ETV7: variants seen among roughly 807,000 people sequenced by gnomAD.
ETV7 encodes the protein ETS variant transcription factor 7, also known as transcription factor ETV7.
Under a neutral mutation model 39.1 loss-of-function variants are expected in ETV7, and 43 were observed. The ratio of observed to expected loss-of-function variants is 1.10; its 90% confidence interval spans 0.86 to 1.42. The LOEUF (loss-of-function observed/expected upper bound fraction) is 1.42. Ranked by LOEUF, ETV7 falls within the 40% of genes most tolerant of loss-of-function variation. The probability of loss-of-function intolerance (pLI) is 0.00; values close to 1 mark genes in which losing one functional copy is unlikely to be tolerated. For synonymous variants in ETV7, 196 were observed against 176.6 expected (o/e 1.11, Z -0.87); for missense variants, 432 against 442.3 (o/e 0.98, Z 0.21).
At chr6:36,363,297 G>T (rs902963340), downstream of ETV7, among the ~76,000 whole-genome samples, 1 of 151,348 alleles carries the variant, frequency 6.6e-6, no homozygotes, top group East Asian at 1.9e-4. Flanking sequence ...TCGTGGTCTC[G>T]CTGGCTCAGG....
downstream of ETV7, among the ~76,000 whole-genome samples, chr6:36,363,043 G>C (rs1339909603): frequency 6.6e-6 from 1 of 152,208 alleles, no homozygotes; most frequent in Non-Finnish European, 1.5e-5. Context: ...TCTGGCGGCA[G>C]TTCCCTTCTC....
At chr6:36,370,692 A>G (rs1772972542) in intron 5 of ETV7, among the ~76,000 whole-genome samples, 1 of 152,080 alleles carries the variant, frequency 6.6e-6, no homozygotes, top group Admixed American at 6.5e-5. Context: ...AAAAGTTGAA[A>G]AAAAAAAAGA....
intron 2 of ETV7, among the ~76,000 whole-genome samples, chr6:36,379,855 G>A (rs896114390): frequency 1.3e-5 from 2 of 149,198 alleles, no homozygotes; most frequent in Non-Finnish European, 3.0e-5. Flanking sequence ...CAGCCTGGGT[G>A]ACTGAGCAAG....
chr6:36,387,530 T>C lies in ETV7; in HGVS notation c.6+6A>G, dbSNP rs780682056. 7 of 1,614,138 alleles carry C rather than the reference T, an allele frequency of 4.3e-6. No homozygotes were observed. The Middle Eastern group carries it at 5.0e-4, about 114-fold the overall frequency. On this transcript the variant is annotated splice_donor_region_variant and intron_variant, in intron 1 of 7. Coordinates refer to ENST00000340181, the MANE Select transcript of ETV7 (RefSeq NM_016135.4). ...CGCGCTGCGTGTTCAGCCGCCAGGC[T>C]CTTACCTGCATTACAGGTGGAGGTG...
At chr6:36,354,511 T>G (rs1341292894) in exon 8 of ETV7, 2 of 554,158 alleles carry the variant, frequency 3.6e-6, no homozygotes, top group Non-Finnish European at 6.4e-6. Flanking sequence ...GAAAAAACTG[T>G]TCTTAATCTA....
At chr6:36,382,346 G>C (rs543183301) in intron 2 of ETV7, among the ~76,000 whole-genome samples, 25 of 152,054 alleles carry the variant, frequency 1.6e-4, no homozygotes, top group Non-Finnish European at 2.8e-4. Flanking sequence ...CACTTCCTTA[G>C]TAAGTCTTGA....
chr6:36,374,268 A>G (rs1022520582), intron 3 of ETV7, among the ~76,000 whole-genome samples: 1 of 152,026 alleles, frequency 6.6e-6, no homozygotes, highest in Non-Finnish European at 1.5e-5. Context: ...GAGGCAGGAG[A>G]ATCACTGGAA....
rs1223823891 is a variant in ETV7 at position 36,371,310 on chromosome 6, AG to A, written c.664+19del. 3 of 1,563,108 alleles carry A rather than the reference AG, an allele frequency of 1.9e-6. No homozygotes were observed. The Admixed American group carries it at 5.6e-5, about 29-fold the overall frequency. ...GACTCAGTGCACCTTCCATGGCCAGAGGAACAGCCTCCCACTCACCAGCGAT... is the reference window on the plus strand; with the variant it reads ...GACTCAGTGCACCTTCCATGGCCAGAGAACAGCCTCCCACTCACCAGCGAT... On this transcript the variant is annotated intron_variant, in intron 5 of 7. Transcript: ENST00000340181.
downstream of ETV7, among the ~76,000 whole-genome samples, chr6:36,362,715 C>A (rs369150783): frequency 1.3e-5 from 2 of 152,316 alleles, no homozygotes; most frequent in East Asian, 3.9e-4. Context: ...GGCCTCAGGG[C>A]TGAGTGCAGA....
chr6:36,374,662 C>T (rs1160279813), intron 3 of ETV7, among the ~76,000 whole-genome samples: 4 of 152,216 alleles, frequency 2.6e-5, no homozygotes, highest in Non-Finnish European at 5.9e-5. Context: ...AGCCTTGTCT[C>T]TCTGTCCCTG....
At chr6:36,386,252 CG>C (rs1773891309) in intron 1 of ETV7, among the ~76,000 whole-genome samples, 1 of 152,124 alleles carries the variant, frequency 6.6e-6, no homozygotes, top group Admixed American at 6.5e-5. Flanking sequence ...CACTTGAACC[CG>C]GGAAGCGGAA....
chr6:36,372,290 C>T (rs1054962210), intron 4 of ETV7, among the ~76,000 whole-genome samples: 3 of 152,126 alleles, frequency 2.0e-5, no homozygotes, highest in African/African-American at 4.8e-5. Context: ...CAAGAAGGCC[C>T]GAAGGCCCGT....
downstream of ETV7, among the ~76,000 whole-genome samples, chr6:36,362,272 G>C (rs540871525): frequency 6.6e-6 from 1 of 151,720 alleles, no homozygotes; most frequent in South Asian, 2.1e-4. Flanking sequence ...ACTGCAGTCC[G>C]GCCTGTGTGA....
chr6:36,375,831 A>G, intron 3 of ETV7, 40 bp downstream of exon 3: 1 of 1,613,066 alleles, frequency 6.2e-7, no homozygotes, highest in Non-Finnish European at 8.5e-7. Flanking sequence ...CTGGCCTACC[A>G]GGGTTCCCGC....
intron 2 of ETV7, among the ~76,000 whole-genome samples, chr6:36,381,231 T>C (rs4713969): frequency 0.9 from 137,382 of 152,214 alleles, 62,311 homozygotes; most frequent in African/African-American, 0.97. Flanking sequence ...GCTATCATCA[T>C]CTGAGGCTAG....
At chr6:36,363,718 C>T (rs561338995), downstream of ETV7, among the ~76,000 whole-genome samples, 27 of 152,272 alleles carry the variant, frequency 1.8e-4, no homozygotes, top group African/African-American at 5.5e-4. Flanking sequence ...TGACAGGGTG[C>T]TGATTGGTGC....
intron 4 of ETV7, among the ~76,000 whole-genome samples, chr6:36,372,358 A>G (rs779849789): frequency 2.6e-5 from 4 of 152,094 alleles, no homozygotes; most frequent in Non-Finnish European, 2.9e-5. Context: ...CAAGGGCAGG[A>G]GTCAGCGGAA....
At chr6:36,383,160 C>T (rs931186444) in intron 2 of ETV7, among the ~76,000 whole-genome samples, 18 of 152,198 alleles carry the variant, frequency 1.2e-4, no homozygotes, top group African/African-American at 4.3e-4. Context: ...CAGCTGCGTC[C>T]CCCCATAGCT....
downstream of ETV7, among the ~76,000 whole-genome samples, chr6:36,361,402 T>C (rs1444749642): frequency 6.6e-6 from 1 of 152,250 alleles, no homozygotes; most frequent in South Asian, 2.1e-4. Flanking sequence ...GTTTTCTGTG[T>C]GTCTCTACAA....
Sources: gnomAD v4.1 joint callset for allele counts (sites outside exome capture counted in the v4.1 genomes callset) on GRCh38, gnomAD v4.1.1 for gene constraint, MANE v1.5 for transcripts, NCBI Gene and HGNC (gene_info 2026-07-23, HGNC 2026-07-21) for gene names.